Variants in PARD3B observed in about 807,000 individuals in gnomAD.
PARD3B encodes the protein partitioning defective 3 homolog B.
A neutral mutation model predicts 130.2 loss-of-function variants in PARD3B; 103 were observed. The observed-to-expected ratio is 0.79, with a 90% confidence interval of 0.67 to 0.93. The LOEUF (loss-of-function observed/expected upper bound fraction) is 0.93. PARD3B is among the 40% of genes least tolerant of loss of function. The pLI is 0.00. For synonymous variants in PARD3B, 583 were observed against 553.2 expected (o/e 1.05, Z -0.76); for missense variants, 1,609 against 1,499.2 (o/e 1.07, Z -1.21).
Position 204,715,815 on chromosome 2 carries a change from C to T in PARD3B, c.222+29533C>T, listed in dbSNP as rs555355073. ...TCTTCTGTGAATCTGCCCTGGTCAA[C>T]GTCCCATCCTTTGAGCTGCCATTCT... On this transcript the variant is annotated intron_variant, in intron 2 of 22. Transcript: ENST00000406610. Among the ~76,000 whole-genome samples, 102 of 152,260 alleles carry T rather than the reference C, an allele frequency of 6.7e-4. No individual in the cohort carries two copies. In the Middle Eastern group the frequency reaches 0.014, roughly 20 times the overall value.
At chr2:205,203,887 A>G (rs1001357431) in intron 15 of PARD3B, among the ~76,000 whole-genome samples, 3 of 152,120 alleles carry the variant, frequency 2.0e-5, no homozygotes, top group Non-Finnish European at 2.9e-5. Context: ...AGTCTTTGCT[A>G]TTGTGAATAG....
intron 2 of PARD3B, among the ~76,000 whole-genome samples, chr2:204,913,675 A>G (rs1464806088): frequency 6.6e-6 from 1 of 152,146 alleles, no homozygotes; most frequent in African/African-American, 2.4e-5. Flanking sequence ...CATCATGGAA[A>G]AAGAAATGAA....
intron 15 of PARD3B, among the ~76,000 whole-genome samples, chr2:205,216,755 A>T (rs941713103): frequency 3.3e-5 from 5 of 152,194 alleles, no homozygotes; most frequent in African/African-American, 1.2e-4. Flanking sequence ...ACTCTTTATC[A>T]GTTAAAATAG....
chr2:204,960,865 G>C (rs1485358700), intron 2 of PARD3B, among the ~76,000 whole-genome samples: 1 of 152,182 alleles, frequency 6.6e-6, no homozygotes, highest in African/African-American at 2.4e-5. Flanking sequence ...GGAGAATACA[G>C]AGAGTAATGA....
At chr2:205,580,839 G>T (rs914930967) in intron 22 of PARD3B, among the ~76,000 whole-genome samples, 11 of 152,030 alleles carry the variant, frequency 7.2e-5, no homozygotes, top group African/African-American at 2.4e-4. Flanking sequence ...AAAAAAAGCT[G>T]CTCTCCTTGA....
At chr2:204,588,024 G>A (rs532447977) in intron 1 of PARD3B, among the ~76,000 whole-genome samples, 3 of 152,144 alleles carry the variant, frequency 2.0e-5, no homozygotes, top group Non-Finnish European at 4.4e-5. Context: ...TTTATTAGCA[G>A]CATGAGAATG....
At chr2:204,636,253 C>T (rs938979085) in intron 1 of PARD3B, among the ~76,000 whole-genome samples, 36 of 152,192 alleles carry the variant, frequency 2.4e-4, no homozygotes, top group African/African-American at 7.9e-4. Flanking sequence ...AGCTGTACCT[C>T]TGGGGAGATA....
intron 22 of PARD3B, among the ~76,000 whole-genome samples, chr2:205,556,874 A>G (rs1366588914): frequency 6.6e-6 from 1 of 152,080 alleles, no homozygotes; most frequent in Admixed American, 6.5e-5. Flanking sequence ...TGTTTTTGCA[A>G]ACGGCTCCTT....
At chr2:205,005,572 C>G (rs1252350700) in intron 3 of PARD3B, among the ~76,000 whole-genome samples, 1 of 151,978 alleles carries the variant, frequency 6.6e-6, no homozygotes, top group Non-Finnish European at 1.5e-5. Flanking sequence ...GGTTTGTATA[C>G]TTTTATTGAT....
rs550387970 is a variant in PARD3B, at chr2:205,197,225, G to A, written c.2140+3905G>A. On this transcript the variant is annotated intron_variant, in intron 15 of 22. Coordinates refer to ENST00000406610, the MANE Select transcript of PARD3B (RefSeq NM_001302769.2). ...TCATTTATTTTTTTTAATCAAGAAT[G>A]AATGTTTAATTTTAGTAAGTGATTT... is the stretch of plus-strand genomic sequence containing the variant. Among the ~76,000 whole-genome samples the A allele has an allele frequency of 3.3e-5, 5 of 152,152 alleles. No individual in the cohort carries two copies. The East Asian group carries it at 5.8e-4, about 18-fold the overall frequency.
At chr2:205,391,066 G>T (rs191901056) in intron 18 of PARD3B, among the ~76,000 whole-genome samples, 3 of 152,312 alleles carry the variant, frequency 2.0e-5, no homozygotes, top group African/African-American at 7.2e-5. Flanking sequence ...TGAATCTGTG[G>T]CCAGTGTGGA....
chr2:205,380,910 T>TAAAGAATATATTATATATAATATAA (rs2045375912), intron 18 of PARD3B, among the ~76,000 whole-genome samples: 1 of 85,018 alleles, frequency 1.2e-5, no homozygotes, highest in South Asian at 3.9e-4. Context: ...ATATAATATA[T>TAAAGAATATATTATATATAATATAA]AAAGAATATA....
At chr2:204,816,600 G>A (rs1481226188) in intron 2 of PARD3B, among the ~76,000 whole-genome samples, 1 of 151,804 alleles carries the variant, frequency 6.6e-6, no homozygotes, top group African/African-American at 2.4e-5. Flanking sequence ...TTACTAAAGA[G>A]AAATGTGCTG....
At chr2:204,556,223 A>G (rs536136306) in intron 1 of PARD3B, among the ~76,000 whole-genome samples, 3 of 152,342 alleles carry the variant, frequency 2.0e-5, no homozygotes, top group South Asian at 4.1e-4. Context: ...ACTCAACAAC[A>G]TGATTGTGTA....
chr2:205,325,619 C>T lies in PARD3B; in HGVS notation c.2630+23918C>T, dbSNP rs1345615939. ...TCATAACTCACTGTAGCCTCAGACC[C>T]CAGGGCTAAGTGATCCTCCCACCTC... On this transcript the variant is annotated intron_variant, in intron 18 of 22. Coordinates refer to ENST00000406610, the MANE Select transcript of PARD3B (RefSeq NM_001302769.2). This position sits in a 1 kb window ranked among gnomAD's most constrained non-coding sequence, Gnocchi z 4.1. Among the ~76,000 whole-genome samples, 1 of 152,038 alleles carries T rather than the reference C, an allele frequency of 6.6e-6. No individual in the cohort carries two copies. The highest frequency in any genetic ancestry group is 2.4e-5 in the African/African-American group (1 of 41,404).
At chr2:205,110,639 T>C (rs577578832) in intron 5 of PARD3B, among the ~76,000 whole-genome samples, 1 of 125,616 alleles carries the variant, frequency 8.0e-6, no homozygotes, top group Non-Finnish European at 1.8e-5. Context: ...TTTTTGTTTT[T>C]TGTTTTTTTT....
Position 205,460,035 on chromosome 2 carries a change from C to A in PARD3B, c.3044+19363C>A, listed in dbSNP as rs188647901. On this transcript the variant is annotated intron_variant, in intron 20 of 22. Transcript: ENST00000406610. This position sits in a 1 kb window ranked among gnomAD's most constrained non-coding sequence, Gnocchi z 4.9. The stretch of plus-strand genomic sequence containing the variant: ...CCGAGAAAGACAGGCAGAACTAGAT[C>A]TAAGTGTTTCAGAAACTAGGAACAT... 2.6e-5 allele frequency among the ~76,000 whole-genome samples: 4 copies of A among 152,202 alleles called. No individual in the cohort carries two copies. The highest frequency in any genetic ancestry group is 9.6e-5 in the African/African-American group (4 of 41,532).
intron 2 of PARD3B, among the ~76,000 whole-genome samples, chr2:204,758,871 G>T (rs900208400): frequency 3.3e-5 from 5 of 152,132 alleles, no homozygotes; most frequent in Non-Finnish European, 5.9e-5. Flanking sequence ...CCCTAAAATA[G>T]TTAAGTATTT....
At chr2:205,098,506 A>G (rs1229944138) in intron 4 of PARD3B, among the ~76,000 whole-genome samples, 1 of 152,216 alleles carries the variant, frequency 6.6e-6, no homozygotes, top group Non-Finnish European at 1.5e-5. Context: ...TAGCGACACT[A>G]GACCAGGGAA....
Sources: allele counts gnomAD v4.1 joint callset (sites outside exome capture counted in the v4.1 genomes callset), GRCh38; gene constraint gnomAD v4.1.1; non-coding constraint Gnocchi (gnomAD v3.1); transcripts MANE v1.5; gene names NCBI Gene and HGNC (gene_info 2026-07-23, HGNC 2026-07-21).